Variants in CYFIP2 observed in about 807,000 individuals in gnomAD.
CYFIP2 encodes cytoplasmic FMR1 interacting protein 2.
In CYFIP2, 29 loss-of-function variants were observed where a neutral mutation model predicts 158.7. That is an observed-to-expected ratio of 0.18 (90% CI 0.14 to 0.25). CYFIP2 has a LOEUF of 0.25. CYFIP2 is among the 10% of genes least tolerant of loss of function. CYFIP2 has a pLI of 1.00. For synonymous variants in CYFIP2, 585 were observed against 617.6 expected, an observed-to-expected ratio of 0.95 and a Z score of 0.78; for missense variants, 852 against 1,639.5, an observed-to-expected ratio of 0.52 and a Z score of 8.29.
intron 7 of CYFIP2, among the ~76,000 whole-genome samples, chr5:157,303,307 G>A (rs1561707293): frequency 6.6e-6 from 1 of 152,226 alleles, no homozygotes; most frequent in Non-Finnish European, 1.5e-5. Flanking sequence ...ACTGTTGTGA[G>A]AAATAAATGA....
In CYFIP2 at chr5:157,395,287, T is replaced by G; in HGVS notation, c.*2287T>G. ...ACTGCCCCAGCCTCTTTTTATTTTT[T>G]TTGTGTGTGTCTAATAACCAGGAAA... On this transcript the variant is annotated 3_prime_UTR_variant, in exon 31 of 31. Coordinates refer to ENST00000620254, the MANE Select transcript of CYFIP2 (RefSeq NM_001037333.3). 1 of 276,660 alleles carries G rather than the reference T, an allele frequency of 3.6e-6. No individual in the cohort carries two copies. The highest frequency in any genetic ancestry group is 6.9e-6 in the Non-Finnish European group (1 of 144,894). 17.1% of individuals were successfully genotyped at this position (276,660 alleles called of 1,614,324 possible). A position where few individuals can be genotyped will look rare whatever the true frequency, so the allele number is the denominator to read the frequency against.
chr5:157,328,696 A>G (rs999695143), intron 19 of CYFIP2, among the ~76,000 whole-genome samples: 1 of 152,246 alleles, frequency 6.6e-6, no homozygotes, highest in African/African-American at 2.4e-5. Flanking sequence ...AATGGTTTCA[A>G]AAGTACAACC....
At position 157,361,867 on chromosome 5, in the gene CYFIP2, C is replaced by A. The variant is rs115188468; in HGVS notation, c.3039+269C>A. 6.6e-6 allele frequency among the ~76,000 whole-genome samples: 1 copy of A among 152,064 alleles called. No homozygotes were observed. The highest frequency in any genetic ancestry group is 1.5e-5 in the Non-Finnish European group (1 of 68,024). On this transcript the variant is annotated intron_variant, in intron 26 of 30. Coordinates refer to ENST00000620254, the MANE Select transcript of CYFIP2 (RefSeq NM_001037333.3). This position sits in a 1 kb window ranked among gnomAD's most constrained non-coding sequence, Gnocchi z 4.4. The stretch of plus-strand genomic sequence containing the variant: ...CTGGCACAGTAAAAACAAACATCCA[C>A]GCTGAGGTTTACTGCAGGAGAAAGG...
chr5:157,337,134 T>A (rs1761911583), intron 21 of CYFIP2, among the ~76,000 whole-genome samples: 1 of 152,186 alleles, frequency 6.6e-6, no homozygotes, highest in South Asian at 2.1e-4. Context: ...CTCCATGTAT[T>A]TTTTATTTAT....
intron 18 of CYFIP2, among the ~76,000 whole-genome samples, chr5:157,327,656 G>A (rs1015782590): frequency 2.6e-5 from 4 of 152,114 alleles, no homozygotes; most frequent in South Asian, 4.1e-4. Context: ...GTTAGCGGAC[G>A]AATTTGAGCA....
At chr5:157,323,213 A>C (rs1760745979) in intron 15 of CYFIP2, among the ~76,000 whole-genome samples, 1 of 152,162 alleles carries the variant, frequency 6.6e-6, no homozygotes. Context: ...AGCGGGAGTT[A>C]ATTGTCTAGT....
At chr5:157,351,720 C>T (rs1016383736) in intron 23 of CYFIP2, among the ~76,000 whole-genome samples, 1 of 152,314 alleles carries the variant, frequency 6.6e-6, no homozygotes, top group Non-Finnish European at 1.5e-5. Flanking sequence ...TTGTACCATC[C>T]TGTAACCTGT....
Position 157,329,749 on chromosome 5 carries a change from C to T in CYFIP2, c.2157-993C>T, listed in dbSNP as rs558634606. On this transcript the variant is annotated intron_variant, in intron 19 of 30. Transcript: ENST00000620254. ...CCTCAAAATCCTGTTTACAGCCCAT[C>T]TCAATTTGGACCAGCCACATCTCAA... Among the ~76,000 whole-genome samples, 10 of 152,318 alleles carry T rather than the reference C, an allele frequency of 6.6e-5. No homozygotes were observed. The South Asian group carries it at 2.1e-3, about 32-fold the overall frequency.
intron 14 of CYFIP2, 146 bp downstream of exon 14, chr5:157,320,074 T>C: frequency 1.0e-6 from 1 of 988,720 alleles, no homozygotes; most frequent in South Asian, 1.6e-5. Context: ...GCATTTGGGA[T>C]GAATTAAGCC....
rs1364285998 is a variant in CYFIP2 at position 157,266,637 on chromosome 5, C to T, written c.-24+442C>T. ...TGCCGCCGTGACCACCGTCACCTCC[C>T]CCAGGGCCAGCGAGAGCCGCCTGGG... On this transcript the variant is annotated intron_variant, in intron 1 of 30. Coordinates refer to ENST00000620254, the MANE Select transcript of CYFIP2 (RefSeq NM_001037333.3). The surrounding 1 kb of genome is among the most constrained non-coding windows in gnomAD (Gnocchi z 4.2). 1 of 152,510 alleles carries T rather than the reference C, an allele frequency of 6.6e-6. No individual in the cohort carries two copies. Among genetic ancestry groups the T allele is most frequent in the Non-Finnish European group, 1.5e-5 (1 of 68,312 alleles). The allele number at this position is 152,510 out of a possible 1,614,324, so 9.4% of individuals were successfully genotyped here.
intron 1 of CYFIP2, among the ~76,000 whole-genome samples, chr5:157,277,557 G>T (rs1756661981): frequency 1.3e-5 from 2 of 152,176 alleles, no homozygotes; most frequent in South Asian, 4.1e-4. Flanking sequence ...CTCTGCTAAG[G>T]TCTCTGCATT....
At position 157,270,727 on chromosome 5, in the gene CYFIP2, C is replaced by G. The variant is rs564147413; in HGVS notation, c.-24+4532C>G. On this transcript the variant is annotated intron_variant, in intron 1 of 30. Transcript: ENST00000620254. ...TACGACAGAAGGATTTTCTAAAGAA[C>G]TCTCCTCAGATTCTTATATTGACAA... Among the ~76,000 whole-genome samples the G allele has an allele frequency of 3.9e-5, 6 of 152,326 alleles. No individual in the cohort carries two copies. The East Asian group carries it at 9.6e-4, about 24-fold the overall frequency.
chr5:157,328,009 G>T lies in CYFIP2; in HGVS notation c.2116G>T (p.Ala706Ser), dbSNP rs1761162225. 6.2e-7 allele frequency: 1 copy of T among 1,613,928 alleles called. No homozygotes were observed. The highest frequency in any genetic ancestry group is 2.2e-5 in the East Asian group (1 of 44,882). The change falls in exon 19 of 31, where the codon GCA becomes TCA. Residue 706 changes from alanine (A) to serine (S), a missense_variant. Physicochemically the swap from Ala to Ser is moderately conservative, Grantham distance 99. Around this residue, in one of 8 missense-constraint regions of CYFIP2, gnomAD observed 2 missense variants for 23.4 expected, o/e 0.09. Coordinates refer to ENST00000620254, the MANE Select transcript of CYFIP2 (RefSeq NM_001037333.3). ...LCFDQFVYKL[A>S]DQIFAYYKAM... ...TTTTGATCAGTTTGTCTACAAGCTG[G>T]CAGACCAGATCTTTGCTTACTACAA...
chr5:157,383,809 A>C (rs187804023), intron 28 of CYFIP2, among the ~76,000 whole-genome samples: 1 of 152,370 alleles, frequency 6.6e-6, no homozygotes, highest in East Asian at 1.9e-4. Flanking sequence ...ATAGTAAAGC[A>C]TTGATTAAAT....
At chr5:157,281,491 G>C (rs6868726) in intron 1 of CYFIP2, among the ~76,000 whole-genome samples, 1 of 152,090 alleles carries the variant, frequency 6.6e-6, no homozygotes, top group Non-Finnish European at 1.5e-5. Flanking sequence ...CAACATAAAG[G>C]TTGGTTCACA....
chr5:157,288,720 A>G (rs1030450577), intron 3 of CYFIP2: 1 of 439,556 alleles, frequency 2.3e-6, no homozygotes, highest in Non-Finnish European at 4.6e-6. Flanking sequence ...AAAAAATTGC[A>G]TAACTTACTC....
intron 2 of CYFIP2, 116 bp from the exon 3 acceptor site, chr5:157,286,903 G>A (rs1757439316): frequency 1.5e-6 from 1 of 688,454 alleles, no homozygotes; most frequent in Admixed American, 2.1e-5. Flanking sequence ...TGACGCAGCA[G>A]GAGGTTTCCA....
At chr5:157,378,006 C>G (rs1186994495) in intron 26 of CYFIP2, among the ~76,000 whole-genome samples, 1 of 152,114 alleles carries the variant, frequency 6.6e-6, no homozygotes, top group Non-Finnish European at 1.5e-5. Context: ...TTTTAAAAAG[C>G]AAAGGCACTG....
intron 7 of CYFIP2, among the ~76,000 whole-genome samples, chr5:157,303,296 G>T (rs894266234): frequency 6.6e-6 from 1 of 152,162 alleles, no homozygotes; most frequent in African/African-American, 2.4e-5. Context: ...CATCTCATAG[G>T]ACTGTTGTGA....
Sources: allele counts gnomAD v4.1 joint callset (sites outside exome capture counted in the v4.1 genomes callset), GRCh38; gene constraint gnomAD v4.1.1; regional missense constraint gnomAD v4.1.1; non-coding constraint Gnocchi (gnomAD v3.1); transcripts MANE v1.5; gene names NCBI Gene and HGNC (gene_info 2026-07-23, HGNC 2026-07-21).